DMXL2: variants seen among roughly 807,000 people sequenced by gnomAD.
The protein encoded by DMXL2 is dmX-like protein 2.
A neutral mutation model predicts 331.1 loss-of-function variants in DMXL2; 103 were observed. The observed-to-expected ratio is 0.31, with a 90% CI of 0.27 to 0.37. The LOEUF (loss-of-function observed/expected upper bound fraction) is 0.37, where lower values mean the gene tolerates loss of function less well. DMXL2 is among the 10% of genes least tolerant of loss of function. DMXL2 has a pLI of 1.00. For synonymous variants in DMXL2, 1,281 were observed against 1,252.1 expected (o/e 1.02, Z -0.49); for missense variants, 3,171 against 3,642.9 (o/e 0.87, Z 3.33).
intron 19 of DMXL2, 91 bp downstream of exon 19, chr15:51,494,933 C>T: frequency 1.2e-6 from 1 of 834,234 alleles, no homozygotes; most frequent in Admixed American, 2.2e-5. Flanking sequence ...CACGTAATGA[C>T]TTACCTAATG....
intron 15 of DMXL2, among the ~76,000 whole-genome samples, chr15:51,508,212 G>C (rs2046530226): frequency 6.6e-6 from 1 of 152,116 alleles, no homozygotes; most frequent in Admixed American, 6.6e-5. Flanking sequence ...AGAATTAGGA[G>C]AAAGACCTAA....
intron 27 of DMXL2, among the ~76,000 whole-genome samples, chr15:51,475,495 AAAAAT>A (rs1186582437): frequency 6.6e-5 from 10 of 152,296 alleles, no homozygotes; most frequent in African/African-American, 2.2e-4. Flanking sequence ...CTCTGTCTCA[AAAAAT>A]AAAATAAAAT....
intron 33 of DMXL2, among the ~76,000 whole-genome samples, chr15:51,461,284 G>A (rs570889138): frequency 3.9e-5 from 6 of 152,140 alleles, no homozygotes; most frequent in East Asian, 1.9e-4. Context: ...ACTAAGGGGC[G>A]GAGAGGGGGA....
At position 51,613,414 on chromosome 15, in the gene DMXL2, C is replaced by T. The variant is rs115135348; in HGVS notation, c.87+9045G>A. Among the ~76,000 whole-genome samples, 483 of 152,314 alleles carry T rather than the reference C, an allele frequency of 3.2e-3. 4 individuals are homozygous for T. Among genetic ancestry groups the T allele is most frequent in the African/African-American group, 0.011 (469 of 41,576 alleles). On this transcript the variant is annotated intron_variant, in intron 1 of 43. Coordinates refer to ENST00000560891, the MANE Select transcript of DMXL2 (RefSeq NM_001378457.1). Reference sequence around the variant, plus strand: ...CTGCCATAGCTTCAGCCTGTCCCTCCGTTTAGGGTCCTTGACTTCCTGCAA... The same window carrying T: ...CTGCCATAGCTTCAGCCTGTCCCTCTGTTTAGGGTCCTTGACTTCCTGCAA...
At chr15:51,460,368 G>A in intron 33 of DMXL2, 2 of 985,376 alleles carry the variant, frequency 2.0e-6, no homozygotes, top group Non-Finnish European at 2.4e-6. Context: ...CTCCCCTATG[G>A]CTGCTGCAGC....
rs1418374189 is a variant in DMXL2 at position 51,536,292 on chromosome 15, C to T, written c.2188G>A (p.Val730Ile). The change falls in exon 12 of 44, where the codon GTA (valine) becomes ATA (isoleucine). Residue 730 changes from valine (V) to isoleucine (I), a missense_variant. This residue lies in a region of DMXL2 where 1,674 missense variants were observed against 1,780.2 expected (regional missense o/e 0.94). Transcript: ENST00000560891. ...AIYSELILWRVDPIGPLSYTG... is the reference protein window; with the variant it reads ...AIYSELILWRIDPIGPLSYTG... ...TATGACAAAGGTCCTATTGGGTCTA[C>T]ACGCCACAGAATAAGTTCACTGTAG... The T allele has an allele frequency of 6.2e-7, 1 of 1,613,974 alleles. No individual in the cohort carries two copies. The highest frequency in any genetic ancestry group is 8.5e-7 in the Non-Finnish European group (1 of 1,179,970).
At chr15:51,591,494 C>T (rs1433734530) in intron 1 of DMXL2, among the ~76,000 whole-genome samples, 2 of 152,196 alleles carry the variant, frequency 1.3e-5, no homozygotes, top group Admixed American at 6.5e-5. Flanking sequence ...CTGTAGACTC[C>T]ACCTGTGGGG....
chr15:51,524,891 C>T (rs757804152), intron 13 of DMXL2, among the ~76,000 whole-genome samples: 1 of 151,986 alleles, frequency 6.6e-6, no homozygotes, highest in Non-Finnish European at 1.5e-5. Flanking sequence ...GGGAGGCATG[C>T]AACCTACTGA....
chr15:51,555,992 T>C (rs559694603), intron 6 of DMXL2, among the ~76,000 whole-genome samples: 1 of 152,324 alleles, frequency 6.6e-6, no homozygotes, highest in African/African-American at 2.4e-5. Context: ...AAGGACATTA[T>C]GAAAACGGGA....
chr15:51,621,195 T>C (rs1156432137), intron 1 of DMXL2, among the ~76,000 whole-genome samples: 1 of 152,208 alleles, frequency 6.6e-6, no homozygotes, highest in Non-Finnish European at 1.5e-5. Flanking sequence ...AAGGGGTCGT[T>C]CTAAACTGGA....
At chr15:51,572,119 C>T (rs992297574) in intron 2 of DMXL2, among the ~76,000 whole-genome samples, 1 of 152,116 alleles carries the variant, frequency 6.6e-6, no homozygotes, top group Non-Finnish European at 1.5e-5. Flanking sequence ...AATGATCCCA[C>T]AGAAACACAA....
intron 10 of DMXL2, 136 bp from the exon 11 acceptor site, chr15:51,537,895 C>T (rs2048372072): frequency 8.9e-7 from 1 of 1,119,170 alleles, no homozygotes; most frequent in Admixed American, 3.0e-5. Flanking sequence ...ACAAAGGAAA[C>T]TTTTGTCTGA....
chr15:51,579,172 C>T (rs183050223), intron 1 of DMXL2, among the ~76,000 whole-genome samples: 1 of 152,172 alleles, frequency 6.6e-6, no homozygotes, highest in South Asian at 2.1e-4. Context: ...CCCTACCAAA[C>T]TAGTAATTCC....
chr15:51,559,441 A>G (rs1445791676), intron 6 of DMXL2, among the ~76,000 whole-genome samples: 1 of 152,222 alleles, frequency 6.6e-6, no homozygotes, highest in African/African-American at 2.4e-5. Context: ...GAGGCCAGGC[A>G]CAGTGGCTCA....
intron 6 of DMXL2, among the ~76,000 whole-genome samples, chr15:51,556,329 C>A (rs1484835046): frequency 1.7e-5 from 2 of 120,264 alleles, no homozygotes; most frequent in Non-Finnish European, 3.2e-5. Flanking sequence ...GGTGACAGAG[C>A]GAGACACTGT....
intron 6 of DMXL2, among the ~76,000 whole-genome samples, chr15:51,554,129 T>C (rs1203269156): frequency 6.6e-6 from 1 of 152,242 alleles, no homozygotes; most frequent in Non-Finnish European, 1.5e-5. Context: ...ACATCAGCAA[T>C]GATTAACTGG....
chr15:51,577,838 C>T (rs991459110), intron 1 of DMXL2, among the ~76,000 whole-genome samples: 1 of 152,104 alleles, frequency 6.6e-6, no homozygotes, highest in Non-Finnish European at 1.5e-5. Flanking sequence ...TATTTAAGTT[C>T]CCTAAGCATT....
At chr15:51,599,293 G>T (rs1049004604) in intron 1 of DMXL2, among the ~76,000 whole-genome samples, 3 of 152,146 alleles carry the variant, frequency 2.0e-5, no homozygotes, top group African/African-American at 7.2e-5. Context: ...TCCTTTTAGT[G>T]GACAAAGGTA....
intron 40 of DMXL2, chr15:51,454,272 C>T (rs1359284590): frequency 2.6e-5 from 4 of 152,060 alleles, no homozygotes; most frequent in Admixed American, 2.6e-4. Flanking sequence ...GCGTTCTGAA[C>T]CTCCCTCCAT....
Sources: gnomAD v4.1 joint callset for allele counts (sites outside exome capture counted in the v4.1 genomes callset) on GRCh38, gnomAD v4.1.1 for gene constraint, gnomAD v4.1.1 regional missense constraint, MANE v1.5 for transcripts, NCBI Gene and HGNC (gene_info 2026-07-23, HGNC 2026-07-21) for gene names.